PHLDB2: variants seen among roughly 807,000 people sequenced by gnomAD.
PHLDB2 encodes pleckstrin homology-like domain family B member 2.
A neutral mutation model predicts 123.6 loss-of-function variants in PHLDB2; 71 were observed. The ratio of observed to expected loss-of-function variants is 0.57; its 90% CI spans 0.47 to 0.70. The LOEUF (loss-of-function observed/expected upper bound fraction) is 0.70. PHLDB2 is among the 30% of genes least tolerant of loss of function. The pLI is 0.00. For synonymous variants in PHLDB2, 547 were observed against 541.6 expected (o/e 1.01, Z -0.14); for missense variants, 1,446 against 1,519.5 (o/e 0.95, Z 0.80).
At chr3:111,734,419 A>C (rs760941875) in intron 1 of PHLDB2, among the ~76,000 whole-genome samples, 2 of 152,136 alleles carry the variant, frequency 1.3e-5, no homozygotes, top group African/African-American at 2.4e-5. Flanking sequence ...CTCTACAAAA[A>C]ATTTTTTTTA....
intron 1 of PHLDB2, among the ~76,000 whole-genome samples, chr3:111,783,207 T>C (rs767437411): frequency 1.6e-4 from 24 of 152,160 alleles, no homozygotes; most frequent in Non-Finnish European, 2.9e-4. Context: ...CAGAGAGAGA[T>C]TTCTAGAGCC....
intron 1 of PHLDB2, among the ~76,000 whole-genome samples, chr3:111,776,637 C>A (rs116657771): frequency 0.024 from 3,666 of 152,174 alleles, 63 homozygotes; most frequent in Non-Finnish European, 0.03. Context: ...ATAACTCATA[C>A]ACCTAGATGT....
At chr3:111,928,008 T>A (rs976332840) in intron 5 of PHLDB2, among the ~76,000 whole-genome samples, 1 of 152,224 alleles carries the variant, frequency 6.6e-6, no homozygotes, top group Non-Finnish European at 1.5e-5. Context: ...CATTCAAGAT[T>A]ATTGGCAACT....
At chr3:111,968,869 A>G (rs2071983979) in intron 15 of PHLDB2, among the ~76,000 whole-genome samples, 1 of 152,202 alleles carries the variant, frequency 6.6e-6, no homozygotes. Flanking sequence ...AAAAAGCACA[A>G]TTCTATTTTA....
rs552879244 is a variant in PHLDB2 at position 111,949,920 on chromosome 3, G to A, written c.2631+845G>A. 40 of 978,336 alleles carry A rather than the reference G, an allele frequency of 4.1e-5. No homozygotes were observed. In the East Asian group the frequency reaches 2.6e-3, roughly 64 times the overall value. The allele number at this position is 978,336 out of a possible 1,614,324, so 60.6% of individuals were successfully genotyped here. On this transcript the variant is annotated intron_variant, in intron 10 of 17. Transcript: ENST00000431670. ...TTAGGAACTGGAATTTAGAGTTTGG[G>A]AATGTTATTTTGACAACGAAATTAC...
At chr3:111,910,612 G>A (rs1303630220) in intron 2 of PHLDB2, among the ~76,000 whole-genome samples, 1 of 152,232 alleles carries the variant, frequency 6.6e-6, no homozygotes, top group Non-Finnish European at 1.5e-5. Flanking sequence ...TTTGATTCTT[G>A]AGAGGTTCTG....
intron 1 of PHLDB2, among the ~76,000 whole-genome samples, chr3:111,757,222 T>G (rs2107994230): frequency 6.6e-6 from 1 of 152,370 alleles, no homozygotes; most frequent in Admixed American, 6.5e-5. Flanking sequence ...GAAGTTCTCC[T>G]GTATAATATC....
At chr3:111,971,376 G>A (rs751504969) in intron 16 of PHLDB2, among the ~76,000 whole-genome samples, 2 of 151,860 alleles carry the variant, frequency 1.3e-5, no homozygotes, top group African/African-American at 2.4e-5. Context: ...TCAAACCTAA[G>A]CTCCAAGCTT....
At chr3:111,779,970 G>T (rs561043433) in intron 1 of PHLDB2, 29 of 643,462 alleles carry the variant, frequency 4.5e-5, no homozygotes, top group Non-Finnish European at 5.4e-5. Context: ...GAGGAGAGTC[G>T]AGGACTCTGA....
chr3:111,920,135 G>T, intron 4 of PHLDB2, 147 bp from the exon 5 acceptor site: 1 of 712,676 alleles, frequency 1.4e-6, no homozygotes, highest in Non-Finnish European at 2.1e-6. Context: ...TTTCACATGG[G>T]CTCTCTGGAG....
intron 2 of PHLDB2, among the ~76,000 whole-genome samples, chr3:111,891,461 A>G (rs1199485259): frequency 6.6e-6 from 1 of 151,490 alleles, no homozygotes; most frequent in Non-Finnish European, 1.5e-5. Context: ...TGCCCTGATG[A>G]TCTGTCACTG....
At chr3:111,925,408 C>A (rs1366192411) in intron 5 of PHLDB2, among the ~76,000 whole-genome samples, 1 of 152,178 alleles carries the variant, frequency 6.6e-6, no homozygotes, top group African/African-American at 2.4e-5. Context: ...AACCCTGTTT[C>A]CATCTGACCT....
chr3:111,764,503 T>C (rs956572411), intron 1 of PHLDB2, among the ~76,000 whole-genome samples: 7 of 152,176 alleles, frequency 4.6e-5, no homozygotes, highest in African/African-American at 1.7e-4. Context: ...CCTCCCCTTC[T>C]TTATCAGTCA....
At chr3:111,933,974 T>C (rs2069300162) in intron 6 of PHLDB2, among the ~76,000 whole-genome samples, 1 of 152,230 alleles carries the variant, frequency 6.6e-6, no homozygotes, top group Admixed American at 6.5e-5. Context: ...CAACTTGGAT[T>C]ATGATTAACA....
intron 1 of PHLDB2, among the ~76,000 whole-genome samples, chr3:111,867,878 A>G (rs1213321701): frequency 1.3e-5 from 2 of 150,116 alleles, no homozygotes; most frequent in Non-Finnish European, 3.0e-5. Flanking sequence ...ATTTTTGTAT[A>G]TTTTGTAGAG....
intron 1 of PHLDB2, among the ~76,000 whole-genome samples, chr3:111,861,476 A>G (rs981561933): frequency 6.6e-6 from 1 of 152,240 alleles, no homozygotes; most frequent in Non-Finnish European, 1.5e-5. Flanking sequence ...TCATCTCTTG[A>G]GACCCAGAGG....
chr3:111,943,715 G>C (rs2070075309), intron 8 of PHLDB2, among the ~76,000 whole-genome samples: 1 of 152,084 alleles, frequency 6.6e-6, no homozygotes, highest in African/African-American at 2.4e-5. Flanking sequence ...AAACTAAAAT[G>C]ACTAAAGAAG....
rs2072479977 is a variant in PHLDB2, at chr3:111,976,471, A to C, written c.*1908A>C. 6.6e-6 allele frequency: 1 copy of C among 152,200 alleles called. No homozygotes were observed. Among genetic ancestry groups the C allele is most frequent in the South Asian group, 2.1e-4 (1 of 4,834 alleles). 9.4% of individuals were successfully genotyped at this position (152,200 alleles called of 1,614,324 possible). On this transcript the variant is annotated 3_prime_UTR_variant, in exon 18 of 18. Coordinates refer to ENST00000431670, the MANE Select transcript of PHLDB2 (RefSeq NM_001134438.2). ...ATGAACCCTGAAAAACTCTGACATC[A>C]TATTGTTGTCTGTTTACACAGATAC... is the stretch of plus-strand genomic sequence containing the variant.
intron 1 of PHLDB2, among the ~76,000 whole-genome samples, chr3:111,831,253 TTTATAC>T (rs2063021714): frequency 6.6e-6 from 1 of 152,212 alleles, no homozygotes; most frequent in African/African-American, 2.4e-5. Context: ...AAATGTATTA[TTTATAC>T]TTATACAATA....
Sources: allele counts gnomAD v4.1 joint callset (sites outside exome capture counted in the v4.1 genomes callset), GRCh38; gene constraint gnomAD v4.1.1; transcripts MANE v1.5; gene names NCBI Gene and HGNC (gene_info 2026-07-23, HGNC 2026-07-21).